Variants in BMERB1 observed in about 807,000 individuals in gnomAD.
BMERB1 encodes bMERB domain containing 1.
A neutral mutation model predicts 23.6 loss-of-function variants in BMERB1; 12 were observed. The ratio of observed to expected loss-of-function variants is 0.51; its 90% CI spans 0.33 to 0.82. BMERB1 has a LOEUF of 0.82. Among genes scored for constraint, BMERB1 ranks in the 40% least tolerant of loss-of-function variants. The pLI is 0.03. For synonymous variants in BMERB1, 122 were observed against 96.6 expected, an observed-to-expected ratio of 1.26 and a Z score of -1.54; for missense variants, 247 against 255.4, an observed-to-expected ratio of 0.97 and a Z score of 0.22.
At position 15,586,985 on chromosome 16, in the gene BMERB1, T is replaced by G; in HGVS notation, c.*156T>G. 1 of 607,226 alleles carries G rather than the reference T, an allele frequency of 1.6e-6. No individual in the cohort carries two copies. The highest frequency in any genetic ancestry group is 2.9e-6 in the Non-Finnish European group (1 of 342,014). 37.6% of individuals were successfully genotyped at this position (607,226 alleles called of 1,614,324 possible). A position where few individuals can be genotyped will look rare whatever the true frequency, so the allele number is the denominator to read the frequency against. On this transcript the variant is annotated 3_prime_UTR_variant, in exon 6 of 6. Coordinates refer to ENST00000300006, the MANE Select transcript of BMERB1 (RefSeq NM_033201.3). ...AGGCCATGGGCACGGCAGGCGGGCC[T>G]GGCCACCCTGTACAGAGTGTAGCAG...
intron 2 of BMERB1, among the ~76,000 whole-genome samples, chr16:15,528,780 A>C (rs561265794): frequency 8.6e-4 from 131 of 152,024 alleles, no homozygotes; most frequent in Non-Finnish European, 1.1e-3. Context: ...TCTAATTCCC[A>C]ATGTAATAAT....
intron 1 of BMERB1, among the ~76,000 whole-genome samples, chr16:15,491,999 G>A (rs932717061): frequency 2.6e-5 from 4 of 152,124 alleles, no homozygotes; most frequent in Admixed American, 2.6e-4. Flanking sequence ...ATATTGCCTG[G>A]TGTGTGGCGG....
intron 2 of BMERB1, among the ~76,000 whole-genome samples, chr16:15,559,575 G>C (rs566680875): frequency 1.3e-5 from 2 of 152,340 alleles, no homozygotes; most frequent in South Asian, 4.1e-4. Context: ...GTCTAGAAGA[G>C]TTTATGCACA....
intron 2 of BMERB1, among the ~76,000 whole-genome samples, chr16:15,550,340 G>A (rs1358662589): frequency 1.3e-5 from 2 of 151,400 alleles, no homozygotes; most frequent in Admixed American, 6.6e-5. Flanking sequence ...CCCACTCCTT[G>A]GAACTGCCAC....
intron 1 of BMERB1, among the ~76,000 whole-genome samples, chr16:15,513,082 A>G (rs1383445393): frequency 1.3e-5 from 2 of 152,034 alleles, no homozygotes; most frequent in Non-Finnish European, 1.5e-5. Context: ...GGGTACGCCA[A>G]AAACATCTCC....
intron 5 of BMERB1, among the ~76,000 whole-genome samples, chr16:15,583,509 TG>T (rs1895628648): frequency 8.3e-6 from 1 of 120,044 alleles, no homozygotes; most frequent in Non-Finnish European, 1.6e-5. Context: ...ACCCGGGAGG[TG>T]GGGGTTGCAG....
chr16:15,489,049 T>C (rs1276595580), intron 1 of BMERB1, among the ~76,000 whole-genome samples: 1 of 152,156 alleles, frequency 6.6e-6, no homozygotes, highest in Non-Finnish European at 1.5e-5. Flanking sequence ...AGGGTTTCTT[T>C]TCCCCCAGGG....
At chr16:15,520,257 G>A (rs1248496558) in intron 2 of BMERB1, among the ~76,000 whole-genome samples, 1 of 152,070 alleles carries the variant, frequency 6.6e-6, no homozygotes, top group African/African-American at 2.4e-5. Context: ...AAGCTGTTCT[G>A]TTATCTTTAT....
intron 1 of BMERB1, among the ~76,000 whole-genome samples, chr16:15,447,498 G>T (rs1182055828): frequency 2.0e-5 from 3 of 152,136 alleles, no homozygotes; most frequent in Non-Finnish European, 4.4e-5. Flanking sequence ...TGAGATTTGG[G>T]TGGGGACACA....
At chr16:15,439,629 G>A (rs1430726819) in intron 1 of BMERB1, among the ~76,000 whole-genome samples, 3 of 152,122 alleles carry the variant, frequency 2.0e-5, no homozygotes, top group Non-Finnish European at 4.4e-5. Flanking sequence ...TTTGAGAAAG[G>A]TTCAAAGTAA....
chr16:15,446,322 G>C (rs1289368110), intron 1 of BMERB1, among the ~76,000 whole-genome samples: 3 of 152,152 alleles, frequency 2.0e-5, no homozygotes, highest in African/African-American at 7.2e-5. Context: ...TTGAGCCCAG[G>C]AGTTTGAGGC....
At chr16:15,478,439 A>G (rs1394700613) in intron 1 of BMERB1, among the ~76,000 whole-genome samples, 1 of 152,014 alleles carries the variant, frequency 6.6e-6, no homozygotes, top group Non-Finnish European at 1.5e-5. Context: ...GGGATTACAG[A>G]TGTGAGCCAC....
In BMERB1 at chr16:15,509,138, G is replaced by GCC. The variant is rs2051627484; in HGVS notation, c.107-6164_107-6163dup. Among the ~76,000 whole-genome samples the GCC allele has an allele frequency of 2.6e-5, 4 of 151,998 alleles. No homozygotes were observed. The South Asian group carries it at 8.3e-4, about 32-fold the overall frequency. ...ATTAATTCTCTTCGTCCCACGCCTC[G>GCC]CCCCAGGGTGTGTTGCCGTTTTCAG... On this transcript the variant is annotated intron_variant, in intron 1 of 5. Transcript: ENST00000300006.
At chr16:15,544,088 C>T (rs116717251) in intron 2 of BMERB1, among the ~76,000 whole-genome samples, 2,144 of 152,116 alleles carry the variant, frequency 0.014, 58 homozygotes, top group African/African-American at 0.05. Flanking sequence ...GATTTCTGTC[C>T]AGTAGAAAAA....
rs569713368 is a variant in BMERB1, at chr16:15,550,815, C to T, written c.231-17168C>T. Among the ~76,000 whole-genome samples the T allele has an allele frequency of 3.3e-5, 5 of 152,256 alleles. No individual in the cohort carries two copies. In the East Asian group the frequency reaches 5.8e-4, roughly 18 times the overall value. Reference sequence around the variant, plus strand: ...TCAAATCTTGCAAGCTGTCTGATCTCGGGCGATTTACTTAACCTCTCTGAG... The same window carrying T: ...TCAAATCTTGCAAGCTGTCTGATCTTGGGCGATTTACTTAACCTCTCTGAG... On this transcript the variant is annotated intron_variant, in intron 2 of 5. Coordinates refer to ENST00000300006, the MANE Select transcript of BMERB1 (RefSeq NM_033201.3).
intron 1 of BMERB1, among the ~76,000 whole-genome samples, chr16:15,469,798 G>A (rs541266675): frequency 1.3e-5 from 2 of 152,210 alleles, no homozygotes; most frequent in South Asian, 2.1e-4. Context: ...TTAATTATTA[G>A]TATATATAGA....
intron 1 of BMERB1, among the ~76,000 whole-genome samples, chr16:15,437,458 T>G (rs2050898305): frequency 6.6e-6 from 1 of 152,182 alleles, no homozygotes; most frequent in Non-Finnish European, 1.5e-5. Context: ...TGCACAACAT[T>G]TATAGACAGA....
intron 2 of BMERB1, among the ~76,000 whole-genome samples, chr16:15,537,650 G>A (rs894833741): frequency 1.7e-4 from 25 of 149,128 alleles, no homozygotes; most frequent in African/African-American, 6.0e-4. Flanking sequence ...CACCATGCCC[G>A]GCCGAGAAAT....
intron 1 of BMERB1, among the ~76,000 whole-genome samples, chr16:15,486,651 A>G (rs2051371420): frequency 6.6e-6 from 1 of 152,130 alleles, no homozygotes; most frequent in South Asian, 2.1e-4. Flanking sequence ...CTTCTGAGGG[A>G]AAAAAAGGTG....
Sources: gnomAD v4.1 joint callset for allele counts (sites outside exome capture counted in the v4.1 genomes callset) on GRCh38, gnomAD v4.1.1 for gene constraint, MANE v1.5 for transcripts, NCBI Gene and HGNC (gene_info 2026-07-23, HGNC 2026-07-21) for gene names.